UBE2D3: variants seen among roughly 807,000 people sequenced by gnomAD.
UBE2D3 encodes ubiquitin-conjugating enzyme E2 D3.
Under a neutral mutation model 22.8 loss-of-function variants are expected in UBE2D3, and 2 were observed. The ratio of observed to expected loss-of-function variants is 0.09; its 90% CI spans 0.04 to 0.28. The LOEUF (loss-of-function observed/expected upper bound fraction) is 0.28, where lower values mean the gene tolerates loss of function less well. UBE2D3 is among the 10% of genes least tolerant of loss of function. The pLI, the probability that UBE2D3 is intolerant of heterozygous loss-of-function variation, is 1.00. For missense variants in UBE2D3, 27 were observed against 182.5 expected (o/e 0.15, Z 4.91); for synonymous variants, 56 against 60.4 (o/e 0.93, Z 0.34).
upstream of UBE2D3, among the ~76,000 whole-genome samples, chr4:102,830,352 C>T (rs1314962001): frequency 6.6e-6 from 1 of 151,630 alleles, no homozygotes; most frequent in African/African-American, 2.4e-5. Context: ...ATATTGCAGT[C>T]GGAAATAATG....
upstream of UBE2D3, among the ~76,000 whole-genome samples, chr4:102,830,554 G>C (rs1006646747): frequency 6.6e-6 from 1 of 152,178 alleles, no homozygotes; most frequent in Non-Finnish European, 1.5e-5. Flanking sequence ...CATAAAACAT[G>C]AGAAAATAGA....
In UBE2D3 at chr4:102,795,451, T is replaced by G. The variant is rs1231546854; in HGVS notation, c.*1964A>C. 1 of 152,098 alleles carries G rather than the reference T, an allele frequency of 6.6e-6. No homozygotes were observed. Among genetic ancestry groups the G allele is most frequent in the Non-Finnish European group, 1.5e-5 (1 of 67,948 alleles). The allele number at this position is 152,098 out of a possible 1,614,324, so 9.4% of individuals were successfully genotyped here. ...CTTGTGGAGCAGAATGTTAACTAAT[T>G]TCTCATTCATAATTTGAATCCAAAA... is the stretch of plus-strand genomic sequence containing the variant. On this transcript the variant is annotated 3_prime_UTR_variant, in exon 8 of 8. Coordinates refer to ENST00000453744, the MANE Select transcript of UBE2D3 (RefSeq NM_181891.3).
At chr4:102,851,679 T>G (rs1031024137) in intron 1 of UBE2D3, among the ~76,000 whole-genome samples, 6 of 151,670 alleles carry the variant, frequency 4.0e-5, no homozygotes, top group South Asian at 2.1e-4. Context: ...TTTGTTTTTT[T>G]TTTTTGAGAC....
chr4:102,798,932 C>T, intron 7 of UBE2D3: 2 of 1,611,834 alleles, frequency 1.2e-6, no homozygotes. Flanking sequence ...TCTTACCCTA[C>T]AACATAGCGT....
At chr4:102,825,408 G>A (rs1256188076) in intron 2 of UBE2D3, 4 of 1,043,506 alleles carry the variant, frequency 3.8e-6, no homozygotes, top group Non-Finnish European at 4.6e-6. Context: ...GGTAAGTTTT[G>A]AGCAGAGGAT....
chr4:102,819,089 G>C (rs1351093182), intron 2 of UBE2D3, among the ~76,000 whole-genome samples: 1 of 152,120 alleles, frequency 6.6e-6, no homozygotes, highest in Admixed American at 6.5e-5. Context: ...CTAGCACTTT[G>C]GGAAGCCAAG....
At chr4:102,809,357 C>T (rs916351201) in intron 4 of UBE2D3, 1 of 301,474 alleles carries the variant, frequency 3.3e-6, no homozygotes, top group African/African-American at 2.2e-5. Context: ...GTAACTTTGT[C>T]TCTATAAATA....
chr4:102,866,928 C>T (rs1203392301), intron 1 of UBE2D3, among the ~76,000 whole-genome samples: 1 of 152,058 alleles, frequency 6.6e-6, no homozygotes, highest in African/African-American at 2.4e-5. Flanking sequence ...ACAGAATAGT[C>T]CAGAGGACAA....
chr4:102,851,122 A>G (rs931776720), intron 1 of UBE2D3, among the ~76,000 whole-genome samples: 2 of 152,200 alleles, frequency 1.3e-5, no homozygotes, highest in African/African-American at 4.8e-5. Context: ...AATTTGTGAG[A>G]TTGTTACAAT....
intron 2 of UBE2D3, chr4:102,810,679 T>C (rs1471634244): frequency 2.0e-5 from 3 of 152,182 alleles, no homozygotes; most frequent in Admixed American, 6.5e-5. Flanking sequence ...TCTTAACATA[T>C]AGTCTGCACA....
At chr4:102,863,410 C>T (rs761485045) in intron 1 of UBE2D3, among the ~76,000 whole-genome samples, 1 of 152,106 alleles carries the variant, frequency 6.6e-6, no homozygotes, top group Non-Finnish European at 1.5e-5. Flanking sequence ...CTAATTATCA[C>T]AAGGACTATA....
At chr4:102,848,921 C>CTGTG (rs147050383) in intron 1 of UBE2D3, among the ~76,000 whole-genome samples, 4,014 of 142,764 alleles carry the variant, frequency 0.028, 72 homozygotes, top group African/African-American at 0.046. Flanking sequence ...TTATGTGTGC[C>CTGTG]TGTGTGTGTG....
At chr4:102,827,632 C>T (rs549038703), upstream of UBE2D3, 1 of 986,756 alleles carries the variant, frequency 1.0e-6, no homozygotes. Context: ...GCCGCCGTCC[C>T]GAGCACAAGA....
At chr4:102,868,564 G>T in intron 1 of UBE2D3, 1 of 915,952 alleles carries the variant, frequency 1.1e-6, no homozygotes, top group Non-Finnish European at 1.8e-6. Context: ...TTTAAGCCTG[G>T]CCTTTGGGTG....
intron 5 of UBE2D3, 41 bp downstream of exon 5, chr4:102,802,520 G>C: frequency 2.0e-6 from 3 of 1,504,508 alleles, no homozygotes; most frequent in Non-Finnish European, 9.1e-7. Context: ...TTGAAATAAA[G>C]CATAAATCTA....
intron 7 of UBE2D3, chr4:102,799,019 A>C: frequency 6.4e-7 from 1 of 1,558,026 alleles, no homozygotes; most frequent in Non-Finnish European, 8.8e-7. Context: ...TAACATATGA[A>C]AGTTATAATG....
chr4:102,849,040 A>G (rs568693668), intron 1 of UBE2D3, among the ~76,000 whole-genome samples: 2 of 151,880 alleles, frequency 1.3e-5, no homozygotes, highest in East Asian at 3.9e-4. Flanking sequence ...CCATATCTTT[A>G]GAGTCTTAAG....
chr4:102,800,286 C>T (rs1174542860), intron 6 of UBE2D3, among the ~76,000 whole-genome samples: 1 of 151,860 alleles, frequency 6.6e-6, no homozygotes, highest in Non-Finnish European at 1.5e-5. Context: ...TTATTGACTA[C>T]AGCAAATTTA....
intron 4 of UBE2D3, among the ~76,000 whole-genome samples, chr4:102,804,116 T>C (rs886829991): frequency 2.7e-5 from 4 of 150,672 alleles, no homozygotes; most frequent in Middle Eastern, 3.4e-3. Context: ...GTCTTCCCCC[T>C]TTTTTTTTGT....
Sources: gnomAD v4.1 joint callset for allele counts (sites outside exome capture counted in the v4.1 genomes callset) on GRCh38, gnomAD v4.1.1 for gene constraint, MANE v1.5 for transcripts, NCBI Gene and HGNC (gene_info 2026-07-23, HGNC 2026-07-21) for gene names.